The following RBFOX1 variants were observed in gnomAD, a reference collection of about 807,000 sequenced individuals.
RBFOX1 encodes the protein RNA binding protein fox-1 homolog 1.
A neutral mutation model predicts 57.7 loss-of-function variants in RBFOX1; 8 were observed. The observed-to-expected ratio is 0.14, with a 90% CI of 0.08 to 0.25. The LOEUF is 0.25. RBFOX1 is among the 10% of genes least tolerant of loss of function. RBFOX1 has a pLI of 1.00. For missense variants in RBFOX1, 611 were observed against 548.5 expected (o/e 1.11, Z -1.14); for synonymous variants, 326 against 222.4 (o/e 1.47, Z -4.15).
At chr16:5,304,910 A>G (rs1596465299) in intron 1 of RBFOX1, among the ~76,000 whole-genome samples, 1 of 152,214 alleles carries the variant, frequency 6.6e-6, no homozygotes, top group Non-Finnish European at 1.5e-5. Context: ...GAACCTCTTC[A>G]TGACATTACT....
At chr16:7,661,214 G>C (rs1009314162) in intron 12 of RBFOX1, among the ~76,000 whole-genome samples, 1 of 152,216 alleles carries the variant, frequency 6.6e-6, no homozygotes, top group Admixed American at 6.5e-5. Context: ...TTATCCTAAA[G>C]ATAGATCACT....
In RBFOX1 at chr16:6,926,458, G is replaced by A. The variant is rs540806179; in HGVS notation, c.-15-125599G>A. On this transcript the variant is annotated intron_variant, in intron 3 of 15. Transcript: ENST00000550418. The stretch of plus-strand genomic sequence containing the variant: ...CCTGCCTCCTGATCGGTGTTCAGAT[G>A]TAGATAGTAGGTTCAGTGGGTTGAT... Among the ~76,000 whole-genome samples, 10 of 152,326 alleles carry A rather than the reference G, an allele frequency of 6.6e-5. No homozygotes were observed. The South Asian group carries it at 8.3e-4, about 13-fold the overall frequency.
At chr16:6,225,230 T>TTA (rs3064936) in intron 1 of RBFOX1, among the ~76,000 whole-genome samples, 2 of 150,918 alleles carry the variant, frequency 1.3e-5, no homozygotes, top group African/African-American at 4.9e-5. Flanking sequence ...AGTAGGAGAG[T>TTA]TATATATATA....
chr16:5,348,146 G>C (rs2065185631), intron 1 of RBFOX1, among the ~76,000 whole-genome samples: 1 of 143,072 alleles, frequency 7.0e-6, no homozygotes, highest in Non-Finnish European at 1.5e-5. Flanking sequence ...ATCCACCCAT[G>C]TATCCATCCA....
At chr16:7,694,740 A>T (rs1351429715) in intron 14 of RBFOX1, among the ~76,000 whole-genome samples, 1 of 152,176 alleles carries the variant, frequency 6.6e-6, no homozygotes. Flanking sequence ...CTGCAATACA[A>T]AAGTTGTTTA....
chr16:6,509,852 C>G (rs567200614), intron 2 of RBFOX1, among the ~76,000 whole-genome samples: 1 of 152,064 alleles, frequency 6.6e-6, no homozygotes, highest in South Asian at 2.1e-4. Context: ...ATAAAATTTT[C>G]AAAATAGAAA....
At chr16:6,892,670 A>G (rs111922112) in intron 3 of RBFOX1, among the ~76,000 whole-genome samples, 34,975 of 151,912 alleles carry the variant, frequency 0.23, 4,112 homozygotes, top group East Asian at 0.28. Context: ...GCTGTCTCGA[A>G]ACAAACAAAC....
intron 4 of RBFOX1, among the ~76,000 whole-genome samples, chr16:5,965,381 C>T (rs1004921519): frequency 1.1e-4 from 16 of 152,126 alleles, no homozygotes; most frequent in African/African-American, 3.6e-4. Context: ...AAAATGTGTA[C>T]ATATATCAAA....
intron 1 of RBFOX1, among the ~76,000 whole-genome samples, chr16:5,293,485 G>T (rs543368658): frequency 6.6e-6 from 1 of 152,196 alleles, no homozygotes; most frequent in South Asian, 2.1e-4. Flanking sequence ...CTCCACCTTG[G>T]AATCTCCTGG....
At chr16:6,600,410 C>G (rs1567831429) in intron 2 of RBFOX1, among the ~76,000 whole-genome samples, 1 of 152,144 alleles carries the variant, frequency 6.6e-6, no homozygotes, top group Non-Finnish European at 1.5e-5. Flanking sequence ...TTATAGCTTT[C>G]AAAAGATGAC....
rs1230841898 is a variant in RBFOX1, at chr16:6,023,333, C to T, written c.-127+3341C>T. ...TGAGCACAGGTCTTCTAGACATCCTCATGTCTCTGATGATTTTAGAAAAAA... is the reference window on the plus strand; with the variant it reads ...TGAGCACAGGTCTTCTAGACATCCTTATGTCTCTGATGATTTTAGAAAAAA... On this transcript the variant is annotated intron_variant, in intron 1 of 15. Transcript: ENST00000550418. Among the ~76,000 whole-genome samples, 4 of 152,008 alleles carry T rather than the reference C, an allele frequency of 2.6e-5. No homozygotes were observed. The East Asian group carries it at 7.7e-4, about 29-fold the overall frequency.
intron 3 of RBFOX1, among the ~76,000 whole-genome samples, chr16:5,830,722 C>T (rs768513962): frequency 5.3e-5 from 8 of 152,188 alleles, no homozygotes; most frequent in Non-Finnish European, 8.8e-5. Flanking sequence ...ATAACACTGC[C>T]ATCTTTGCCA....
intron 4 of RBFOX1, among the ~76,000 whole-genome samples, chr16:7,189,781 A>G (rs911454792): frequency 9.8e-5 from 15 of 152,300 alleles, no homozygotes; most frequent in African/African-American, 3.4e-4. Context: ...AACTTTCCCT[A>G]TGCATCCAGC....
intron 4 of RBFOX1, among the ~76,000 whole-genome samples, chr16:5,927,296 G>A (rs1455591352): frequency 6.6e-6 from 1 of 152,200 alleles, no homozygotes; most frequent in Non-Finnish European, 1.5e-5. Flanking sequence ...TATGTGTGTG[G>A]CAAACAGACT....
intron 2 of RBFOX1, among the ~76,000 whole-genome samples, chr16:6,533,847 C>T (rs1021219332): frequency 5.3e-5 from 8 of 152,050 alleles, no homozygotes; most frequent in African/African-American, 1.7e-4. Context: ...AAACACAGTA[C>T]GTACTAAACA....
chr16:7,704,111 C>G (rs1222644878), intron 14 of RBFOX1, among the ~76,000 whole-genome samples: 1 of 152,204 alleles, frequency 6.6e-6, no homozygotes, highest in Non-Finnish European at 1.5e-5. Context: ...AGAGCATGCT[C>G]TGTCCAAGTC....
intron 3 of RBFOX1, among the ~76,000 whole-genome samples, chr16:6,861,582 T>C (rs1266039376): frequency 1.3e-5 from 2 of 149,282 alleles, no homozygotes; most frequent in Non-Finnish European, 3.0e-5. Context: ...TCTCATTTCA[T>C]ATGAAAGTAC....
Position 6,897,870 on chromosome 16 carries a change from C to T in RBFOX1, c.-15-154187C>T, listed in dbSNP as rs531123070. On this transcript the variant is annotated intron_variant, in intron 3 of 15. Coordinates refer to ENST00000550418, the MANE Select transcript of RBFOX1 (RefSeq NM_018723.4). Reference sequence around the variant, plus strand: ...TTCTGAGCTTATCATCCATCTGTCCCTTCATACCCTATATCCCCAATTCCC... The same window carrying T: ...TTCTGAGCTTATCATCCATCTGTCCTTTCATACCCTATATCCCCAATTCCC... Among the ~76,000 whole-genome samples the T allele has an allele frequency of 6.6e-5, 10 of 152,258 alleles. No homozygotes were observed. In the East Asian group the frequency reaches 1.2e-3, roughly 18 times the overall value.
chr16:6,697,812 C>T (rs761078681), intron 3 of RBFOX1, among the ~76,000 whole-genome samples: 7 of 152,202 alleles, frequency 4.6e-5, no homozygotes, highest in Non-Finnish European at 7.3e-5. Flanking sequence ...AAGTCCATAT[C>T]TCTACATGGC....
Sources: allele counts gnomAD v4.1 joint callset (sites outside exome capture counted in the v4.1 genomes callset), GRCh38; gene constraint gnomAD v4.1.1; transcripts MANE v1.5; gene names NCBI Gene and HGNC (gene_info 2026-07-23, HGNC 2026-07-21).